The following PAPSS1 variants were observed in gnomAD, a reference collection of about 807,000 sequenced individuals.
PAPSS1 encodes the protein bifunctional 3'-phosphoadenosine 5'-phosphosulfate synthase 1.
PAPSS1 carries 50 observed loss-of-function variants against 72.0 expected under a neutral mutation model. The observed-to-expected ratio is 0.69, with a 90% CI of 0.55 to 0.88. The LOEUF (loss-of-function observed/expected upper bound fraction) is 0.88. Among genes scored for constraint, PAPSS1 ranks in the 40% least tolerant of loss-of-function variants. The pLI, the probability that PAPSS1 is intolerant of heterozygous loss-of-function variation, is 0.00. For missense variants in PAPSS1, 657 were observed against 782.2 expected, an observed-to-expected ratio of 0.84 and a Z score of 1.91; for synonymous variants, 261 against 263.6, an observed-to-expected ratio of 0.99 and a Z score of 0.09.
chr4:107,706,852 G>A (rs974461470), intron 1 of PAPSS1, among the ~76,000 whole-genome samples: 8 of 152,220 alleles, frequency 5.3e-5, no homozygotes, highest in Non-Finnish European at 1.2e-4. Flanking sequence ...TCCTCAGGGA[G>A]GCTGGCCTGG....
In PAPSS1 at chr4:107,697,143, G is replaced by A. The variant is rs139503081; in HGVS notation, c.176-3137C>T. Among the ~76,000 whole-genome samples, 83 of 152,290 alleles carry A rather than the reference G, an allele frequency of 5.5e-4. 1 individual carries two copies. The East Asian group carries it at 0.014, about 26-fold the overall frequency. On this transcript the variant is annotated intron_variant, in intron 2 of 11. Coordinates refer to ENST00000265174, the MANE Select transcript of PAPSS1 (RefSeq NM_005443.5). The stretch of plus-strand genomic sequence containing the variant: ...CAGGTGTACCAGCCACTCTCAGCCC[G>A]CTAAGCTCCCAGCTGACAACCAGCA...
At chr4:107,719,202 G>C (rs138854719) in intron 1 of PAPSS1, among the ~76,000 whole-genome samples, 1 of 54,478 alleles carries the variant, frequency 1.8e-5, no homozygotes, top group Non-Finnish European at 5.4e-5. Flanking sequence ...TTTTTTCTTT[G>C]ATTCATCTAG....
At chr4:107,719,371 T>A (rs1723717352) in intron 1 of PAPSS1, among the ~76,000 whole-genome samples, 1 of 152,136 alleles carries the variant, frequency 6.6e-6, no homozygotes, top group South Asian at 2.1e-4. Context: ...CTCTTTCTCA[T>A]CACAGAGAAA....
At chr4:107,618,775 G>A (rs1725886968) in intron 11 of PAPSS1, among the ~76,000 whole-genome samples, 1 of 152,102 alleles carries the variant, frequency 6.6e-6, no homozygotes, top group Non-Finnish European at 1.5e-5. Flanking sequence ...CCAGGCCAGA[G>A]AGGTTACATC....
At chr4:107,621,915 A>G (rs1439264220) in intron 11 of PAPSS1, among the ~76,000 whole-genome samples, 1 of 151,968 alleles carries the variant, frequency 6.6e-6, no homozygotes, top group East Asian at 1.9e-4. Flanking sequence ...GGCGTGAGCC[A>G]CCGCGCCCAG....
chr4:107,632,187 CAAA>C (rs1726241335), intron 10 of PAPSS1, among the ~76,000 whole-genome samples: 1 of 152,028 alleles, frequency 6.6e-6, no homozygotes, highest in African/African-American at 2.4e-5. Context: ...TTACACAGCT[CAAA>C]ATCTAATATA....
At chr4:107,715,945 A>G (rs1723628009) in intron 1 of PAPSS1, among the ~76,000 whole-genome samples, 1 of 152,250 alleles carries the variant, frequency 6.6e-6, no homozygotes, top group African/African-American at 2.4e-5. Context: ...GAAGGAGTTA[A>G]ATAATGTTCC....
intron 10 of PAPSS1, among the ~76,000 whole-genome samples, chr4:107,640,042 C>T (rs1057023475): frequency 2.6e-5 from 4 of 152,196 alleles, no homozygotes; most frequent in Admixed American, 6.5e-5. Context: ...CTTCATAAAC[C>T]GAGGGTATAG....
Position 107,639,774 on chromosome 4 carries a change from G to C in PAPSS1, c.1506+5028C>G, listed in dbSNP as rs952644134. 7.2e-5 allele frequency among the ~76,000 whole-genome samples: 11 copies of C among 152,152 alleles called. No individual in the cohort carries two copies. The South Asian group carries it at 2.3e-3, about 32-fold the overall frequency. On this transcript the variant is annotated intron_variant, in intron 10 of 11. Transcript: ENST00000265174. The stretch of plus-strand genomic sequence containing the variant: ...AGCTCTTGGAAGTGTGTAGAGGGAA[G>C]AACAAGTTTATATCCTAACAGACAC...
chr4:107,638,863 T>A (rs1426244697), intron 10 of PAPSS1, among the ~76,000 whole-genome samples: 1 of 152,218 alleles, frequency 6.6e-6, no homozygotes, highest in Non-Finnish European at 1.5e-5. Flanking sequence ...TAGTTATTAT[T>A]CCTGTTTTAC....
chr4:107,623,358 T>C (rs1042758711), intron 11 of PAPSS1, among the ~76,000 whole-genome samples: 27 of 152,206 alleles, frequency 1.8e-4, no homozygotes, highest in African/African-American at 6.5e-4. Flanking sequence ...ATTAAGTATA[T>C]ATAAATATTT....
intron 1 of PAPSS1, among the ~76,000 whole-genome samples, chr4:107,715,006 T>A (rs1367432104): frequency 2.0e-5 from 3 of 151,988 alleles, no homozygotes; most frequent in Admixed American, 2.0e-4. Flanking sequence ...AATACCTGAA[T>A]ACATAAACAC....
intron 5 of PAPSS1, among the ~76,000 whole-genome samples, chr4:107,666,112 A>C (rs528463526): frequency 6.6e-6 from 1 of 152,336 alleles, no homozygotes; most frequent in East Asian, 1.9e-4. Context: ...GCAACACTTT[A>C]AAACTGAGCT....
chr4:107,690,525 A>G (rs1177303330), intron 3 of PAPSS1, among the ~76,000 whole-genome samples: 1 of 152,146 alleles, frequency 6.6e-6, no homozygotes, highest in Non-Finnish European at 1.5e-5. Context: ...AACTCTTCAC[A>G]TCTCCGCATT....
At chr4:107,696,117 T>C (rs1192264047) in intron 2 of PAPSS1, among the ~76,000 whole-genome samples, 2 of 152,174 alleles carry the variant, frequency 1.3e-5, no homozygotes, top group Admixed American at 1.3e-4. Context: ...TTTTAAACTG[T>C]TGGTAGGAAA....
intron 9 of PAPSS1, among the ~76,000 whole-genome samples, chr4:107,653,039 C>T (rs566753918): frequency 9.4e-5 from 14 of 149,526 alleles, no homozygotes; most frequent in African/African-American, 3.3e-4. Flanking sequence ...TTCTGAGATA[C>T]ATGACATTCA....
intron 9 of PAPSS1, among the ~76,000 whole-genome samples, chr4:107,650,422 T>A (rs1003790629): frequency 6.6e-6 from 1 of 151,998 alleles, no homozygotes; most frequent in Non-Finnish European, 1.5e-5. Context: ...CAAAGAAGAG[T>A]GAAAAACAGA....
chr4:107,635,420 A>T (rs1726347969), intron 10 of PAPSS1, among the ~76,000 whole-genome samples: 1 of 152,258 alleles, frequency 6.6e-6, no homozygotes, highest in Non-Finnish European at 1.5e-5. Flanking sequence ...AGAATTAAAG[A>T]GAAAAATATT....
At chr4:107,675,362 G>C (rs542758532) in intron 5 of PAPSS1, among the ~76,000 whole-genome samples, 201 of 152,186 alleles carry the variant, frequency 1.3e-3, no homozygotes, top group African/African-American at 4.6e-3. Context: ...TATCACCCCC[G>C]ATCCCACAGA....
Sources: allele counts gnomAD v4.1 joint callset (sites outside exome capture counted in the v4.1 genomes callset), GRCh38; gene constraint gnomAD v4.1.1; transcripts MANE v1.5; gene names NCBI Gene and HGNC (gene_info 2026-07-23, HGNC 2026-07-21).